AP2A2: variants seen among roughly 807,000 people sequenced by gnomAD.
AP2A2 encodes the protein AP-2 complex subunit alpha-2.
Under a neutral mutation model 104.2 loss-of-function variants are expected in AP2A2, and 32 were observed. The ratio of observed to expected loss-of-function variants is 0.31; its 90% CI spans 0.23 to 0.41. The LOEUF is 0.41. AP2A2 is among the 10% of genes least tolerant of loss of function. AP2A2 has a pLI of 1.00. For missense variants in AP2A2, 912 were observed against 1,261.0 expected, an observed-to-expected ratio of 0.72 and a Z score of 4.19; for synonymous variants, 539 against 533.3, an observed-to-expected ratio of 1.01 and a Z score of -0.15.
intron 1 of AP2A2, among the ~76,000 whole-genome samples, chr11:933,145 G>A (rs146829771): frequency 0.024 from 3,659 of 152,274 alleles, 149 homozygotes; most frequent in African/African-American, 0.082. Context: ...GCACGTGTCT[G>A]TAATCCCAGG....
chr11:939,951 C>CTTTTTTTTTTTTTTTTTTTTT (rs145184268), intron 1 of AP2A2, among the ~76,000 whole-genome samples: 1 of 106,060 alleles, frequency 9.4e-6, no homozygotes, highest in East Asian at 2.5e-4. Flanking sequence ...GTTTTGCTTA[C>CTTTTTTTTTTTTTTTTTTTTT]TTTTTTTTTT....
intron 1 of AP2A2, among the ~76,000 whole-genome samples, chr11:929,650 G>A (rs1250165568): frequency 6.6e-6 from 1 of 152,182 alleles, no homozygotes; most frequent in African/African-American, 2.4e-5. Context: ...AAAAGAATTA[G>A]CCAGGCGTGG....
intron 15 of AP2A2, among the ~76,000 whole-genome samples, chr11:1,001,084 C>G (rs1856015967): frequency 6.6e-6 from 1 of 152,222 alleles, no homozygotes; most frequent in Admixed American, 6.5e-5. Context: ...GCCCACCCTG[C>G]TCACGCCTTC....
chr11:988,003 A>G (rs552963708), intron 9 of AP2A2, among the ~76,000 whole-genome samples: 1 of 152,358 alleles, frequency 6.6e-6, no homozygotes, highest in Non-Finnish European at 1.5e-5. Flanking sequence ...GTCAATCCCT[A>G]TTGTCAGAAG....
At chr11:944,141 C>A (rs115157634) in intron 1 of AP2A2, among the ~76,000 whole-genome samples, 1 of 152,088 alleles carries the variant, frequency 6.6e-6, no homozygotes, top group Non-Finnish European at 1.5e-5. Flanking sequence ...GCGGACAGGT[C>A]GACAGGATGG....
At chr11:955,527 G>A (rs973009516) in intron 1 of AP2A2, among the ~76,000 whole-genome samples, 12 of 152,178 alleles carry the variant, frequency 7.9e-5, no homozygotes, top group Non-Finnish European at 2.9e-5. Flanking sequence ...GCTGGGAAGA[G>A]AGACTGACTG....
At chr11:976,076 C>T (rs557827538) in intron 4 of AP2A2, among the ~76,000 whole-genome samples, 7 of 152,170 alleles carry the variant, frequency 4.6e-5, no homozygotes, top group Non-Finnish European at 8.8e-5. Flanking sequence ...CCTGAAGCCG[C>T]CTGGCAAGGA....
In AP2A2 at chr11:1,011,034, G is replaced by T. The variant is rs1354157405; in HGVS notation, c.*409G>T. The T allele has an allele frequency of 1.5e-6, 1 of 661,636 alleles. No individual in the cohort carries two copies. Among genetic ancestry groups the T allele is most frequent in the Non-Finnish European group, 2.8e-6 (1 of 353,424 alleles). The allele number at this position is 661,636 out of a possible 1,614,324, so 41.0% of individuals were successfully genotyped here. On this transcript the variant is annotated 3_prime_UTR_variant, in exon 22 of 22. Transcript: ENST00000448903. ...TGCCACTGTGCATGGCGTGGGCTGAGCCTTGGTGTGTGGCCGTCCTGGTGG... is the reference window on the plus strand; with the variant it reads ...TGCCACTGTGCATGGCGTGGGCTGATCCTTGGTGTGTGGCCGTCCTGGTGG...
chr11:958,410 A>G (rs1314617485), intron 1 of AP2A2, among the ~76,000 whole-genome samples: 2 of 152,220 alleles, frequency 1.3e-5, no homozygotes, highest in Non-Finnish European at 2.9e-5. Context: ...CCATCATTTT[A>G]TGACCATGAG....
rs1004826284 is a variant in AP2A2, at chr11:986,917, C to T, written c.1095C>T (p.Val365=). 1 of 1,601,106 alleles carries T rather than the reference C, an allele frequency of 6.2e-7. No individual in the cohort carries two copies. The highest frequency in any genetic ancestry group is 8.5e-7 in the Non-Finnish European group (1 of 1,174,364). Residue 365 remains valine, a synonymous_variant, in exon 9 of 22, where the codon GTC becomes GTT. Coordinates refer to ENST00000448903, the MANE Select transcript of AP2A2 (RefSeq NM_012305.4). The stretch of plus-strand genomic sequence containing the variant: ...GCTCTGAGTTCTCCCATGAGGCTGT[C>T]AAGACGCACATCGAGACGGTCATCA... ...LASSEFSHEA[V]KTHIETVINA...
intron 18 of AP2A2, chr11:1,008,411 G>T (rs1182619875): frequency 4.8e-6 from 2 of 417,466 alleles, no homozygotes; most frequent in African/African-American, 2.1e-5. Context: ...CACCTCATGG[G>T]GTGGCAGACA....
At position 964,791 on chromosome 11, in the gene AP2A2, C is replaced by T. The variant is rs147755395; in HGVS notation, c.136+5286C>T. ...AAGGAAATGCCAAAGGAAATAATCC[C>T]AGATGGAAGCGTGGAAATGGAAAGC... On this transcript the variant is annotated intron_variant, in intron 2 of 21. Coordinates refer to ENST00000448903, the MANE Select transcript of AP2A2 (RefSeq NM_012305.4). Among the ~76,000 whole-genome samples the T allele has an allele frequency of 4.3e-4, 59 of 135,922 alleles. 1 individual carries two copies. The highest frequency in any genetic ancestry group is 1.4e-3 in the African/African-American group (55 of 38,422). The allele number at this position is 135,922 out of a possible 152,430, so 89.2% of individuals were successfully genotyped here. A position where few individuals can be genotyped will look rare whatever the true frequency, so the allele number is the denominator to read the frequency against.
At chr11:927,779 A>G (rs1234560299) in intron 1 of AP2A2, among the ~76,000 whole-genome samples, 1 of 139,662 alleles carries the variant, frequency 7.2e-6, no homozygotes, top group Non-Finnish European at 1.5e-5. Context: ...AGATCGCGCC[A>G]TACTCCAGCC....
intron 17 of AP2A2, 32 bp from the exon 18 acceptor site, chr11:1,007,980 A>G (rs2133790516): frequency 6.4e-7 from 1 of 1,551,782 alleles, no homozygotes; most frequent in East Asian, 2.4e-5. Context: ...TGCCACTGGG[A>G]CTTGCTCAGC....
At chr11:1,010,511 C>T (rs376058241) in intron 21 of AP2A2, 37 bp from the exon 22 acceptor site, 16 of 1,534,984 alleles carry the variant, frequency 1.0e-5, no homozygotes, top group Admixed American at 7.7e-5. Flanking sequence ...GTGTGAGCCT[C>T]GGCGTGCCCG....
chr11:960,048 A>C (rs751770993), intron 2 of AP2A2, among the ~76,000 whole-genome samples: 1 of 152,102 alleles, frequency 6.6e-6, no homozygotes, highest in African/African-American at 2.4e-5. Flanking sequence ...CAGATTTGCA[A>C]CCTGGCTCAC....
intron 14 of AP2A2, among the ~76,000 whole-genome samples, chr11:999,978 T>C (rs1855977825): frequency 1.3e-5 from 2 of 151,902 alleles, no homozygotes; most frequent in Admixed American, 1.3e-4. Flanking sequence ...TAATTTTTTT[T>C]GTATTTTTTA....
intron 4 of AP2A2, among the ~76,000 whole-genome samples, chr11:974,758 G>A (rs999447685): frequency 5.3e-5 from 8 of 150,482 alleles, no homozygotes; most frequent in African/African-American, 1.7e-4. Flanking sequence ...AGGCTGAGAC[G>A]GGCAGATCAT....
intron 1 of AP2A2, among the ~76,000 whole-genome samples, chr11:937,348 A>C (rs1853492510): frequency 6.6e-6 from 1 of 152,088 alleles, no homozygotes; most frequent in Non-Finnish European, 1.5e-5. Context: ...ACCACAGCGC[A>C]ACACCATTGT....
Sources: gnomAD v4.1 joint callset for allele counts (sites outside exome capture counted in the v4.1 genomes callset) on GRCh38, gnomAD v4.1.1 for gene constraint, MANE v1.5 for transcripts, NCBI Gene and HGNC (gene_info 2026-07-23, HGNC 2026-07-21) for gene names.